Variants in CPQ observed in about 807,000 individuals in gnomAD.
The protein encoded by CPQ is carboxypeptidase Q, also known as Ser-Met dipeptidase.
Under a neutral mutation model 45.7 loss-of-function variants are expected in CPQ, and 37 were observed. The observed-to-expected ratio is 0.81, with a 90% confidence interval of 0.62 to 1.07. The LOEUF is 1.07. Ranked by LOEUF, CPQ falls within the 50% of genes least tolerant of loss-of-function variation. The pLI is 0.00. For missense variants in CPQ, 537 were observed against 572.9 expected (o/e 0.94, Z 0.64); for synonymous variants, 186 against 205.8 (o/e 0.90, Z 0.82).
intron 4 of CPQ, among the ~76,000 whole-genome samples, chr8:96,963,603 C>T (rs543012147): frequency 6.6e-6 from 1 of 152,144 alleles, no homozygotes; most frequent in African/African-American, 2.4e-5. Flanking sequence ...TTTTAATCAT[C>T]AAGAAGATTG....
chr8:96,774,629 A>T (rs531205662), intron 1 of CPQ, among the ~76,000 whole-genome samples: 17 of 152,310 alleles, frequency 1.1e-4, no homozygotes, highest in Admixed American at 9.8e-4. Flanking sequence ...TGAGGGAAAA[A>T]GAAGAATCCG....
chr8:96,770,137 C>T (rs1217671595), intron 1 of CPQ, among the ~76,000 whole-genome samples: 1 of 152,118 alleles, frequency 6.6e-6, no homozygotes, highest in Non-Finnish European at 1.5e-5. Context: ...GCCCGTGTTG[C>T]TGGGATGAGG....
chr8:96,742,303 C>A (rs1810103972), intron 1 of CPQ, among the ~76,000 whole-genome samples: 1 of 152,128 alleles, frequency 6.6e-6, no homozygotes, highest in African/African-American at 2.4e-5. Context: ...GCAACCCCTG[C>A]CTTTTTTTGT....
intron 7 of CPQ, among the ~76,000 whole-genome samples, chr8:97,139,555 T>A (rs1385478970): frequency 1.3e-5 from 2 of 152,086 alleles, no homozygotes; most frequent in Non-Finnish European, 2.9e-5. Context: ...CAACATTCTC[T>A]AACAGTTAAA....
chr8:96,708,800 CAG>C (rs765366174), intron 1 of CPQ, among the ~76,000 whole-genome samples: 2 of 152,024 alleles, frequency 1.3e-5, no homozygotes, highest in Non-Finnish European at 2.9e-5. Context: ...TGCTTTTTCG[CAG>C]AGTTACGTAT....
rs149822568 is a variant in CPQ, at chr8:96,756,908, C to G, written c.-34-27956C>G. Among the ~76,000 whole-genome samples the G allele has an allele frequency of 3.3e-3, 503 of 152,140 alleles. 7 individuals are homozygous for G. Among genetic ancestry groups the G allele is most frequent in the African/African-American group, 0.012 (478 of 41,510 alleles). On this transcript the variant is annotated intron_variant, in intron 1 of 7. Transcript: ENST00000220763. ...TCCCTTTTAAGAACATTTCTTTTTCCTCCCCTTCAGGACATTTATTCAAGT... is the reference window on the plus strand; with the variant it reads ...TCCCTTTTAAGAACATTTCTTTTTCGTCCCCTTCAGGACATTTATTCAAGT...
intron 3 of CPQ, among the ~76,000 whole-genome samples, chr8:96,855,155 G>T (rs1040335162): frequency 6.6e-6 from 1 of 152,174 alleles, no homozygotes; most frequent in Non-Finnish European, 1.5e-5. Flanking sequence ...GAAAGGCAAT[G>T]TGCTTTGCTC....
chr8:97,091,851 G>A (rs538553592), intron 7 of CPQ, among the ~76,000 whole-genome samples: 24 of 139,696 alleles, frequency 1.7e-4, no homozygotes, highest in African/African-American at 5.4e-4. Context: ...AAGATGGATG[G>A]ATAGATGGAT....
At chr8:97,050,571 A>G (rs1364877614) in intron 6 of CPQ, among the ~76,000 whole-genome samples, 1 of 152,206 alleles carries the variant, frequency 6.6e-6, no homozygotes, top group Non-Finnish European at 1.5e-5. Context: ...GATGCAAAAA[A>G]TCAGAAAAAC....
At chr8:97,090,708 A>G (rs1186949682) in intron 7 of CPQ, among the ~76,000 whole-genome samples, 2 of 152,184 alleles carry the variant, frequency 1.3e-5, no homozygotes, top group African/African-American at 2.4e-5. Flanking sequence ...ACTCTTCCCA[A>G]TAATGAGTCA....
At chr8:96,984,780 C>G (rs912330678) in intron 5 of CPQ, among the ~76,000 whole-genome samples, 2 of 152,156 alleles carry the variant, frequency 1.3e-5, no homozygotes, top group South Asian at 4.1e-4. Context: ...ATAATAGTAT[C>G]TAATTATAGG....
At chr8:96,670,431 A>T (rs1365063103) in intron 1 of CPQ, among the ~76,000 whole-genome samples, 8 of 152,074 alleles carry the variant, frequency 5.3e-5, no homozygotes, top group African/African-American at 1.4e-4. Context: ...CAAATTAGCA[A>T]ATATGGAATC....
At chr8:97,038,334 C>T (rs1241448056) in intron 6 of CPQ, among the ~76,000 whole-genome samples, 1 of 152,198 alleles carries the variant, frequency 6.6e-6, no homozygotes, top group Non-Finnish European at 1.5e-5. Flanking sequence ...GTCTGTTTTA[C>T]CAGCTTACAG....
chr8:96,792,614 G>A (rs933494762), intron 2 of CPQ, among the ~76,000 whole-genome samples: 3 of 152,034 alleles, frequency 2.0e-5, no homozygotes, highest in Non-Finnish European at 4.4e-5. Flanking sequence ...GGCTCCTGGC[G>A]GCCTGGACTG....
chr8:97,054,928 A>G (rs1810426179), intron 6 of CPQ, among the ~76,000 whole-genome samples: 1 of 152,214 alleles, frequency 6.6e-6, no homozygotes, highest in African/African-American at 2.4e-5. Context: ...TTGAAATAAC[A>G]AAATGTTTTA....
At chr8:96,789,732 G>A (rs929404955) in intron 2 of CPQ, among the ~76,000 whole-genome samples, 7 of 152,192 alleles carry the variant, frequency 4.6e-5, no homozygotes, top group South Asian at 2.1e-4. Flanking sequence ...ATTTTTAAGC[G>A]TGGCTTAATA....
chr8:96,894,792 G>A (rs1032262352), intron 4 of CPQ, among the ~76,000 whole-genome samples: 4 of 152,098 alleles, frequency 2.6e-5, no homozygotes, highest in Non-Finnish European at 5.9e-5. Flanking sequence ...AGAACTGTCT[G>A]GTTCCATGTT....
intron 4 of CPQ, among the ~76,000 whole-genome samples, chr8:96,960,142 T>C (rs1220690931): frequency 6.6e-6 from 1 of 152,138 alleles, no homozygotes; most frequent in African/African-American, 2.4e-5. Flanking sequence ...TCTTAGTATA[T>C]TGGATGTATT....
intron 5 of CPQ, among the ~76,000 whole-genome samples, chr8:97,019,625 C>T (rs1809642694): frequency 6.6e-6 from 1 of 152,038 alleles, no homozygotes; most frequent in Non-Finnish European, 1.5e-5. Context: ...TTAAAAAAGA[C>T]AGAGGGTCAT....
Sources: allele counts gnomAD v4.1 joint callset (sites outside exome capture counted in the v4.1 genomes callset), GRCh38; gene constraint gnomAD v4.1.1; transcripts MANE v1.5; gene names NCBI Gene and HGNC (gene_info 2026-07-23, HGNC 2026-07-21).